MAN1A2: variants seen among roughly 807,000 people sequenced by gnomAD.
The protein encoded by MAN1A2 is mannosyl-oligosaccharide 1,2-alpha-mannosidase IB.
Under a neutral mutation model 75.7 loss-of-function variants are expected in MAN1A2, and 26 were observed. The observed-to-expected ratio is 0.34, with a 90% confidence interval of 0.25 to 0.48. MAN1A2 has a LOEUF of 0.48. Ranked by LOEUF, MAN1A2 falls within the 20% of genes least tolerant of loss-of-function variation. The probability of loss-of-function intolerance (pLI) is 0.99; values close to 1 mark genes in which losing one functional copy is unlikely to be tolerated. For missense variants in MAN1A2, 562 were observed against 775.5 expected, an observed-to-expected ratio of 0.72 and a Z score of 3.27; for synonymous variants, 247 against 264.6, an observed-to-expected ratio of 0.93 and a Z score of 0.65.
chr1:117,412,060 A>G (rs1220395786), intron 3 of MAN1A2, among the ~76,000 whole-genome samples: 1 of 151,796 alleles, frequency 6.6e-6, no homozygotes, highest in Non-Finnish European at 1.5e-5. Flanking sequence ...GAATTTTAAG[A>G]TCTTTTTCCC....
At chr1:117,486,998 A>AT (rs1328980378) in intron 8 of MAN1A2, among the ~76,000 whole-genome samples, 2 of 152,064 alleles carry the variant, frequency 1.3e-5, no homozygotes, top group Non-Finnish European at 2.9e-5. Context: ...TTGGGAACAT[A>AT]TTAAGCCTAT....
At position 117,523,161 on chromosome 1, in the gene MAN1A2, A is replaced by G; in HGVS notation, c.*204A>G. ...ATACCTGACCAAAACATGTTCTGAT[A>G]TGTGTAGGACAGAGACCTGGATGTG... On this transcript the variant is annotated 3_prime_UTR_variant, in exon 13 of 13. Transcript: ENST00000356554. 1 of 678,266 alleles carries G rather than the reference A, an allele frequency of 1.5e-6. No homozygotes were observed. Among genetic ancestry groups the G allele is most frequent in the Non-Finnish European group, 2.7e-6 (1 of 364,670 alleles). 42.0% of individuals were successfully genotyped at this position (678,266 alleles called of 1,614,324 possible).
Position 117,502,931 on chromosome 1 carries a change from A to G in MAN1A2, c.1754A>G (p.Asp585Gly). ...KDVYSSTPTH[D>G]DVQQSFFLAE... is the part of the protein sequence containing the mutation. ...GTATATTCCTCTACTCCTACACATG[A>G]TGATGTACAGCAGAGCTTTTTTCTT... Residue 585 changes from aspartate to glycine, a missense_variant, in exon 12 of 13, where the codon GAT (aspartate) becomes GGT (glycine). By Grantham distance (94) the Asp-to-Gly change is moderately conservative. Transcript: ENST00000356554. The G allele has an allele frequency of 6.2e-7, 1 of 1,606,636 alleles. No individual in the cohort carries two copies. Among genetic ancestry groups the G allele is most frequent in the Non-Finnish European group, 8.5e-7 (1 of 1,175,820 alleles).
At chr1:117,441,450 T>G (rs924490652) in intron 5 of MAN1A2, among the ~76,000 whole-genome samples, 6 of 152,184 alleles carry the variant, frequency 3.9e-5, no homozygotes, top group African/African-American at 1.4e-4. Context: ...ACTTGATGCA[T>G]ATAAGAGAAT....
At position 117,523,070 on chromosome 1, in the gene MAN1A2, G is replaced by A. The variant is rs1375913724; in HGVS notation, c.*113G>A. ...CTGGACCTCTATGTCAACATGACAG[G>A]GTGAAACTATTCCCCCTAAGACTGT... On this transcript the variant is annotated 3_prime_UTR_variant, in exon 13 of 13. Coordinates refer to ENST00000356554, the MANE Select transcript of MAN1A2 (RefSeq NM_006699.5). 3 of 1,142,840 alleles carry A rather than the reference G, an allele frequency of 2.6e-6. No individual in the cohort carries two copies. The highest frequency in any genetic ancestry group is 1.3e-6 in the Non-Finnish European group (1 of 769,296). 70.8% of individuals were successfully genotyped at this position (1,142,840 alleles called of 1,614,324 possible).
intron 12 of MAN1A2, among the ~76,000 whole-genome samples, chr1:117,511,097 A>G (rs538213159): frequency 1.3e-4 from 20 of 152,150 alleles, no homozygotes; most frequent in Middle Eastern, 3.4e-3. Flanking sequence ...GGAGGTGGGC[A>G]CATCTTACGT....
chr1:117,394,231 G>C (rs1346670911), intron 1 of MAN1A2, among the ~76,000 whole-genome samples: 1 of 151,924 alleles, frequency 6.6e-6, no homozygotes, highest in Admixed American at 6.6e-5. Flanking sequence ...ACAGGCACCC[G>C]CCACCATGCC....
At chr1:117,433,671 T>C (rs1231709049) in intron 5 of MAN1A2, among the ~76,000 whole-genome samples, 2 of 152,222 alleles carry the variant, frequency 1.3e-5, no homozygotes, top group African/African-American at 2.4e-5. Flanking sequence ...CTCCTTTTTT[T>C]CTAAATTCTG....
At chr1:117,437,081 A>G (rs945237622) in intron 5 of MAN1A2, among the ~76,000 whole-genome samples, 2 of 152,186 alleles carry the variant, frequency 1.3e-5, no homozygotes, top group African/African-American at 4.8e-5. Context: ...TCTAGCCTTT[A>G]AGGGTACTCG....
At chr1:117,422,410 C>G (rs540355734) in intron 5 of MAN1A2, among the ~76,000 whole-genome samples, 1 of 152,064 alleles carries the variant, frequency 6.6e-6, no homozygotes, top group South Asian at 2.1e-4. Context: ...TGTGAATAAA[C>G]CTGCTATAAG....
chr1:117,409,007 T>G (rs7547211), intron 3 of MAN1A2, among the ~76,000 whole-genome samples: 18,846 of 152,120 alleles, frequency 0.12, 1,229 homozygotes, highest in Non-Finnish European at 0.14. Flanking sequence ...TCTAATATTA[T>G]TGATTTATGT....
intron 12 of MAN1A2, among the ~76,000 whole-genome samples, chr1:117,517,263 A>G (rs1163871401): frequency 6.6e-6 from 1 of 152,224 alleles, no homozygotes; most frequent in African/African-American, 2.4e-5. Context: ...TAAAATCTGT[A>G]ATGTCTAGCA....
intron 9 of MAN1A2, among the ~76,000 whole-genome samples, chr1:117,495,689 CAT>C (rs1437869656): frequency 1.3e-5 from 2 of 151,850 alleles, no homozygotes; most frequent in East Asian, 1.9e-4. Context: ...AAATGACAAA[CAT>C]ATGGATACCA....
At chr1:117,462,897 G>A (rs1221153798) in intron 7 of MAN1A2, among the ~76,000 whole-genome samples, 3 of 152,098 alleles carry the variant, frequency 2.0e-5, no homozygotes, top group Non-Finnish European at 4.4e-5. Flanking sequence ...ATGGGGAATA[G>A]TATGTGAATG....
At chr1:117,487,323 C>A (rs968036685) in intron 8 of MAN1A2, among the ~76,000 whole-genome samples, 1 of 151,652 alleles carries the variant, frequency 6.6e-6, no homozygotes, top group Admixed American at 6.6e-5. Context: ...GTGGAGTATC[C>A]CTAGAAAATG....
intron 9 of MAN1A2, chr1:117,494,757 GTTA>G (rs1650987238): frequency 6.6e-6 from 1 of 151,880 alleles, no homozygotes; most frequent in Non-Finnish European, 1.5e-5. Flanking sequence ...TCCAAGATGG[GTTA>G]TTATCTGGGA....
chr1:117,378,879 G>A (rs1239522099), intron 1 of MAN1A2, among the ~76,000 whole-genome samples: 2 of 147,276 alleles, frequency 1.4e-5, no homozygotes, highest in East Asian at 1.9e-4. Context: ...CTTTTGGGTT[G>A]TTGCCTTTTT....
At chr1:117,417,091 G>C (rs930773079) in intron 4 of MAN1A2, among the ~76,000 whole-genome samples, 12 of 152,136 alleles carry the variant, frequency 7.9e-5, no homozygotes, top group African/African-American at 2.9e-4. Flanking sequence ...GCCTAAAAGG[G>C]AGCCAGTTGG....
intron 3 of MAN1A2, among the ~76,000 whole-genome samples, chr1:117,408,981 A>G (rs1647717153): frequency 1.3e-5 from 2 of 152,090 alleles, no homozygotes; most frequent in African/African-American, 4.8e-5. Context: ...AGCTGTAGTA[A>G]TAATCCCCTT....
Sources: gnomAD v4.1 joint callset for allele counts (sites outside exome capture counted in the v4.1 genomes callset) on GRCh38, gnomAD v4.1.1 for gene constraint, MANE v1.5 for transcripts, NCBI Gene and HGNC (gene_info 2026-07-23, HGNC 2026-07-21) for gene names.